The following FLYWCH1 variants were observed in gnomAD, a reference collection of about 807,000 sequenced individuals.
FLYWCH1 encodes the protein FLYWCH-type zinc finger 1.
A neutral mutation model predicts 66.4 loss-of-function variants in FLYWCH1; 75 were observed. The ratio of observed to expected loss-of-function variants is 1.13; its 90% CI spans 0.94 to 1.37. FLYWCH1 has a LOEUF of 1.37. Ranked by LOEUF, FLYWCH1 falls within the 40% of genes most tolerant of loss-of-function variation. The pLI is 0.00. For missense variants in FLYWCH1, 1,334 were observed against 1,001.8 expected (o/e 1.33, Z -4.48); for synonymous variants, 595 against 429.9 (o/e 1.38, Z -4.75).
chr16:2,930,593 G>A lies in FLYWCH1; in HGVS notation c.509G>A (p.Arg170Gln), dbSNP rs750586786. 1.4e-5 allele frequency: 22 copies of A among 1,554,774 alleles called. No homozygotes were observed. The highest frequency in any genetic ancestry group is 9.5e-5 in the South Asian group (8 of 84,448). The part of the protein sequence containing the change: ...ITRGLRATVM[R>Q]GHCHAPDEQG... ...CGAGGCCTGCGGGCCACAGTGATGC[G>A]GGGCCACTGCCACGCGCCCGATGAG... The change falls in exon 4 of 10, where the codon CGG becomes CAG. Residue 170 changes from arginine (R) to glutamine (Q), a missense_variant. Arg to Gln is a conservative substitution (Grantham distance 43, BLOSUM62 1). Coordinates refer to ENST00000253928, the MANE Select transcript of FLYWCH1 (RefSeq NM_001308068.2).
intron 2 of FLYWCH1, chr16:2,922,997 G>A (rs2070428895): frequency 1.2e-5 from 6 of 497,326 alleles, no homozygotes; most frequent in South Asian, 8.8e-5. Flanking sequence ...GAAGGCGGGT[G>A]ACGCGCGGAT....
At chr16:2,930,112 C>G (rs1019510763) in intron 3 of FLYWCH1, 102 bp downstream of exon 3, 34 of 1,047,818 alleles carry the variant, frequency 3.2e-5, no homozygotes, top group Non-Finnish European at 4.7e-5. Context: ...TGTCCTTGCT[C>G]CAAGCTCAGC....
At chr16:2,941,580 T>C (rs2071263395) in intron 9 of FLYWCH1, among the ~76,000 whole-genome samples, 1 of 142,176 alleles carries the variant, frequency 7.0e-6, no homozygotes, top group Admixed American at 7.0e-5. Context: ...ATCCCATCTC[T>C]AAATGAATAA....
At chr16:2,934,018 A>T (rs997867802) in intron 6 of FLYWCH1, 39 bp downstream of exon 6, 10 of 1,483,280 alleles carry the variant, frequency 6.7e-6, no homozygotes, top group Middle Eastern at 2.2e-4. Flanking sequence ...CCCAGGAAGC[A>T]GGCAGGAGCC....
In FLYWCH1 at chr16:2,933,725, A is replaced by C. The variant is rs577286461; in HGVS notation, c.1259A>C (p.Glu420Ala). The C allele has an allele frequency of 6.2e-7, 1 of 1,612,594 alleles. No individual in the cohort carries two copies. The highest frequency in any genetic ancestry group is 2.2e-5 in the East Asian group (1 of 44,820). ...QDMDADPGGP[E>A]FLKTPLGGSF... is the part of the protein sequence containing the mutation. ...TCTTGAACCTCCCCAGGAGGCCCTG[A>C]GTTCCTGAAGACGCCCCTGGGGGGC... The change falls in exon 6 of 10, where the codon GAG becomes GCG. Residue 420 changes from glutamate (E) to alanine (A), a missense_variant. Physicochemically the swap from Glu to Ala is moderately radical, Grantham distance 107. Coordinates refer to ENST00000253928, the MANE Select transcript of FLYWCH1 (RefSeq NM_001308068.2).
rs370033167 is a variant in FLYWCH1, at chr16:2,917,796, C to A, written c.-74+3507C>A. On this transcript the variant is annotated intron_variant, in intron 2 of 9. Coordinates refer to ENST00000253928, the MANE Select transcript of FLYWCH1 (RefSeq NM_001308068.2). ...TCCTCCCTCTTCCTTTGGCCTCCCT[C>A]TTCCCCTCCCCCGATCCTCTCCCCA... is the stretch of plus-strand genomic sequence containing the variant. Among the ~76,000 whole-genome samples, 8 of 151,810 alleles carry A rather than the reference C, an allele frequency of 5.3e-5. No individual in the cohort carries two copies. The East Asian group carries it at 9.7e-4, about 18-fold the overall frequency.
intron 4 of FLYWCH1, among the ~76,000 whole-genome samples, chr16:2,932,754 A>C (rs141708395): frequency 1.1e-3 from 175 of 152,286 alleles, no homozygotes; most frequent in African/African-American, 4.0e-3. Context: ...CAGAAAACAG[A>C]GACCACTGAG....
intron 9 of FLYWCH1, among the ~76,000 whole-genome samples, chr16:2,945,050 C>A (rs1043819107): frequency 6.6e-6 from 1 of 150,970 alleles, no homozygotes; most frequent in South Asian, 2.1e-4. Context: ...AGTTTTTAAG[C>A]AAAAAATTCA....
rs116757877 is a variant in FLYWCH1, at chr16:2,934,607, G to A, written c.1513+628G>A. 1,034 of 456,162 alleles carry A rather than the reference G, an allele frequency of 2.3e-3. 9 individuals carry two copies. Among genetic ancestry groups the A allele is most frequent in the African/African-American group, 0.012 (604 of 50,144 alleles). 28.3% of individuals were successfully genotyped at this position (456,162 alleles called of 1,614,324 possible). On this transcript the variant is annotated intron_variant, in intron 6 of 9. Transcript: ENST00000253928. ...CTCCACTCACCTGCTCTTCCTTCAC[G>A]CCCCAAGGCGCTGGCCTCTCTTTCC...
chr16:2,947,414 A>T (rs749676510), intron 9 of FLYWCH1, among the ~76,000 whole-genome samples: 2 of 81,374 alleles, frequency 2.5e-5, no homozygotes, highest in Non-Finnish European at 4.4e-5. Context: ...TCTGAATTGT[A>T]CACTTAACGG....
chr16:2,912,480 G>C (rs1027062983), intron 1 of FLYWCH1, among the ~76,000 whole-genome samples: 3 of 152,214 alleles, frequency 2.0e-5, no homozygotes, highest in Non-Finnish European at 4.4e-5. Context: ...TTGCAGCTCG[G>C]GCGGTCCCAG....
At chr16:2,928,689 A>C (rs1035035974) in intron 2 of FLYWCH1, 4 of 151,054 alleles carry the variant, frequency 2.6e-5, no homozygotes, top group African/African-American at 1.0e-4. Flanking sequence ...ACATAGACAC[A>C]GTAACAATAT....
intron 1 of FLYWCH1, 127 bp from the exon 2 acceptor site, chr16:2,914,049 C>A (rs1435207465): frequency 6.6e-6 from 1 of 152,242 alleles, no homozygotes; most frequent in Non-Finnish European, 1.5e-5. Context: ...CTTCCCTCCT[C>A]CCGCTCCTAT....
At chr16:2,934,447 C>T (rs2074361) in intron 6 of FLYWCH1, among the ~76,000 whole-genome samples, 39,176 of 152,122 alleles carry the variant, frequency 0.26, 6,960 homozygotes, top group African/African-American at 0.48. Flanking sequence ...AACGCTGGCC[C>T]GAGGAGGGTC....
intron 2 of FLYWCH1, among the ~76,000 whole-genome samples, chr16:2,918,978 C>G (rs1265694554): frequency 1.3e-5 from 2 of 151,474 alleles, no homozygotes; most frequent in African/African-American, 4.9e-5. Flanking sequence ...GGCAGAGTCT[C>G]CCTCTTTTGC....
At chr16:2,947,423 G>A (rs1010699553) in intron 9 of FLYWCH1, among the ~76,000 whole-genome samples, 55 of 121,092 alleles carry the variant, frequency 4.5e-4, no homozygotes, top group African/African-American at 1.6e-3. Flanking sequence ...TACACTTAAC[G>A]GATTTTATGG....
At chr16:2,918,439 G>A (rs1040431617) in intron 2 of FLYWCH1, among the ~76,000 whole-genome samples, 2 of 149,264 alleles carry the variant, frequency 1.3e-5, no homozygotes, top group African/African-American at 2.5e-5. Context: ...GAGCCACCGC[G>A]CCAGGCTTTT....
At chr16:2,944,844 T>A (rs1321640075) in intron 9 of FLYWCH1, among the ~76,000 whole-genome samples, 2 of 139,834 alleles carry the variant, frequency 1.4e-5, no homozygotes, top group African/African-American at 2.5e-5. Context: ...AAATTTTTTT[T>A]AACTGTAAAA....
chr16:2,933,632 C>A, intron 5 of FLYWCH1, 50 bp downstream of exon 5: 2 of 1,561,512 alleles, frequency 1.3e-6, no homozygotes, highest in Admixed American at 1.9e-5. Flanking sequence ...ACTCTTGCCT[C>A]CAGAGGTCCA....
Sources: gnomAD v4.1 joint callset for allele counts (sites outside exome capture counted in the v4.1 genomes callset) on GRCh38, gnomAD v4.1.1 for gene constraint, MANE v1.5 for transcripts, NCBI Gene and HGNC (gene_info 2026-07-23, HGNC 2026-07-21) for gene names.